Variants in EYA4 observed in about 807,000 individuals in gnomAD.
EYA4 encodes protein phosphatase EYA4.
EYA4 carries 31 observed loss-of-function variants against 87.9 expected under a neutral mutation model. That is an observed-to-expected ratio of 0.35 (90% CI 0.27 to 0.48). The LOEUF is 0.48. Ranked by LOEUF, EYA4 falls within the 20% of genes least tolerant of loss-of-function variation. The pLI is 0.99. For missense variants in EYA4, 678 were observed against 761.4 expected, an observed-to-expected ratio of 0.89 and a Z score of 1.29; for synonymous variants, 263 against 270.6, an observed-to-expected ratio of 0.97 and a Z score of 0.28.
chr6:133,357,788 T>C (rs934164481), intron 2 of EYA4, among the ~76,000 whole-genome samples: 1 of 152,152 alleles, frequency 6.6e-6, no homozygotes, highest in African/African-American at 2.4e-5. Flanking sequence ...AAAGGGGTCT[T>C]TCTGATAGTT....
intron 2 of EYA4, among the ~76,000 whole-genome samples, chr6:133,318,819 A>C (rs987712382): frequency 6.6e-6 from 1 of 152,166 alleles, no homozygotes; most frequent in Non-Finnish European, 1.5e-5. Flanking sequence ...GTTTCCTTGC[A>C]AGTCCTGAAC....
chr6:133,366,709 G>A (rs138889094), intron 2 of EYA4, among the ~76,000 whole-genome samples: 1 of 131,516 alleles, frequency 7.6e-6, no homozygotes, highest in African/African-American at 2.8e-5. Flanking sequence ...TTAACTAAAA[G>A]TAGTCCCTTA....
intron 2 of EYA4, among the ~76,000 whole-genome samples, chr6:133,307,047 A>C (rs1779861883): frequency 6.6e-6 from 1 of 152,228 alleles, no homozygotes; most frequent in South Asian, 2.1e-4. Context: ...GTACTATATA[A>C]ACCCACAATA....
chr6:133,386,539 T>C (rs939746198), intron 3 of EYA4, among the ~76,000 whole-genome samples: 4 of 152,060 alleles, frequency 2.6e-5, no homozygotes, highest in African/African-American at 9.7e-5. Flanking sequence ...TCTGTTTCTC[T>C]TTGCTTTTCC....
chr6:133,271,360 G>A (rs368795431), intron 1 of EYA4, among the ~76,000 whole-genome samples: 22 of 152,100 alleles, frequency 1.4e-4, no homozygotes, highest in East Asian at 1.3e-3. Flanking sequence ...GCCCATTGTC[G>A]CACTTCTTTA....
intron 3 of EYA4, among the ~76,000 whole-genome samples, chr6:133,438,780 C>T (rs570045151): frequency 5.1e-4 from 77 of 152,064 alleles, no homozygotes; most frequent in African/African-American, 1.8e-3. Context: ...CGGTGGCTCA[C>T]GCCTGTAATC....
intron 3 of EYA4, among the ~76,000 whole-genome samples, chr6:133,410,241 G>A (rs577158908): frequency 1.5e-4 from 23 of 152,146 alleles, no homozygotes; most frequent in Non-Finnish European, 2.4e-4. Flanking sequence ...AATGGTTGGC[G>A]TCCTTGAAAC....
At chr6:133,476,181 T>A (rs76220512) in intron 11 of EYA4, among the ~76,000 whole-genome samples, 4,491 of 152,174 alleles carry the variant, frequency 0.03, 257 homozygotes, top group East Asian at 0.18. Flanking sequence ...TGTTTTGAAA[T>A]ACATTTATAT....
intron 3 of EYA4, among the ~76,000 whole-genome samples, chr6:133,388,189 C>G (rs1365879776): frequency 6.6e-6 from 1 of 151,890 alleles, no homozygotes; most frequent in African/African-American, 2.4e-5. Flanking sequence ...GGTGGATCAT[C>G]TGAGGTTGGG....
chr6:133,422,998 T>G (rs1268054690), intron 3 of EYA4, among the ~76,000 whole-genome samples: 1 of 152,170 alleles, frequency 6.6e-6, no homozygotes, highest in Non-Finnish European at 1.5e-5. Flanking sequence ...AAAGGAGAGA[T>G]GTGTTTTCAG....
chr6:133,445,688 C>T (rs1330046000), intron 3 of EYA4, among the ~76,000 whole-genome samples: 1 of 152,028 alleles, frequency 6.6e-6, no homozygotes, highest in Non-Finnish European at 1.5e-5. Context: ...ACACCACTCT[C>T]CTGCCTCAGC....
At chr6:133,389,362 T>C (rs1187530419) in intron 3 of EYA4, among the ~76,000 whole-genome samples, 2 of 152,188 alleles carry the variant, frequency 1.3e-5, no homozygotes, top group Non-Finnish European at 2.9e-5. Flanking sequence ...GGGTACCATG[T>C]TCTTCTCCTT....
chr6:133,498,530 T>C (rs1426785614), intron 13 of EYA4, among the ~76,000 whole-genome samples: 3 of 152,214 alleles, frequency 2.0e-5, no homozygotes, highest in African/African-American at 7.2e-5. Flanking sequence ...GCATTTTATA[T>C]TTGTATCTGT....
At chr6:133,316,578 T>C (rs1439788518) in intron 2 of EYA4, among the ~76,000 whole-genome samples, 1 of 152,154 alleles carries the variant, frequency 6.6e-6, no homozygotes, top group African/African-American at 2.4e-5. Context: ...TCCACGACTG[T>C]CGTTTTCTTC....
intron 3 of EYA4, among the ~76,000 whole-genome samples, chr6:133,430,159 T>C (rs1791060353): frequency 6.6e-6 from 1 of 152,210 alleles, no homozygotes; most frequent in South Asian, 2.1e-4. Flanking sequence ...CTTAGGATAA[T>C]GACCTCCAGC....
chr6:133,338,461 T>C (rs1782540020), intron 2 of EYA4, among the ~76,000 whole-genome samples: 1 of 152,218 alleles, frequency 6.6e-6, no homozygotes, highest in Non-Finnish European at 1.5e-5. Flanking sequence ...TGAATGTGTA[T>C]TTATATTCCA....
At chr6:133,494,327 T>A (rs9389081) in intron 13 of EYA4, among the ~76,000 whole-genome samples, 14,762 of 152,144 alleles carry the variant, frequency 0.097, 853 homozygotes, top group South Asian at 0.22. Flanking sequence ...GGTGACAAAC[T>A]TTACATATTC....
At chr6:133,292,947 A>C (rs1778605807) in intron 2 of EYA4, among the ~76,000 whole-genome samples, 1 of 152,194 alleles carries the variant, frequency 6.6e-6, no homozygotes, top group Admixed American at 6.5e-5. Context: ...TGAAGTATAA[A>C]AAAGAACTTG....
intron 1 of EYA4, among the ~76,000 whole-genome samples, chr6:133,252,001 C>A (rs1410428417): frequency 1.3e-5 from 2 of 152,156 alleles, no homozygotes; most frequent in Non-Finnish European, 2.9e-5. Flanking sequence ...ACAGATTGAC[C>A]ATCTCCAGCA....
Sources: gnomAD v4.1 joint callset for allele counts (sites outside exome capture counted in the v4.1 genomes callset) on GRCh38, gnomAD v4.1.1 for gene constraint, MANE v1.5 for transcripts, NCBI Gene and HGNC (gene_info 2026-07-23, HGNC 2026-07-21) for gene names.